Variants in SUMF1 observed in about 807,000 individuals in gnomAD.
The protein encoded by SUMF1 is formylglycine-generating enzyme.
SUMF1 carries 48 observed loss-of-function variants against 47.6 expected under a neutral mutation model. That is an observed-to-expected ratio of 1.01 (90% confidence interval 0.80 to 1.28). The LOEUF is 1.28. Ranked by LOEUF, SUMF1 falls within the 50% of genes most tolerant of loss-of-function variation. SUMF1 has a pLI of 0.00. For missense variants in SUMF1, 571 were observed against 485.4 expected, an observed-to-expected ratio of 1.18 and a Z score of -1.66; for synonymous variants, 230 against 192.1, an observed-to-expected ratio of 1.20 and a Z score of -1.63.
chr3:4,282,456 A>G (rs1209838937), intron 8 of SUMF1, among the ~76,000 whole-genome samples: 1 of 152,226 alleles, frequency 6.6e-6, no homozygotes, highest in Non-Finnish European at 1.5e-5. Flanking sequence ...CAATTCACAC[A>G]TACCTTCTAC....
chr3:4,153,065 G>A (rs1453911743), intron 8 of SUMF1, among the ~76,000 whole-genome samples: 1 of 151,534 alleles, frequency 6.6e-6, no homozygotes, highest in East Asian at 1.9e-4. Flanking sequence ...TCAGAACCCT[G>A]CAAAGTTACA....
intron 8 of SUMF1, among the ~76,000 whole-genome samples, chr3:4,345,393 G>A (rs1053842287): frequency 2.0e-5 from 3 of 152,134 alleles, no homozygotes; most frequent in Non-Finnish European, 2.9e-5. Flanking sequence ...CATTCTTAAA[G>A]AAAAGAATTT....
intron 8 of SUMF1, among the ~76,000 whole-genome samples, chr3:4,341,912 T>A (rs1046020125): frequency 3.2e-4 from 49 of 152,220 alleles, no homozygotes; most frequent in African/African-American, 1.1e-3. Context: ...TGCAGCTTAT[T>A]TGTTTATAAA....
At chr3:4,117,206 T>C (rs1693441454) in intron 8 of SUMF1, among the ~76,000 whole-genome samples, 1 of 152,144 alleles carries the variant, frequency 6.6e-6, no homozygotes, top group African/African-American at 2.4e-5. Flanking sequence ...GTTTATACTT[T>C]CTAGTTTTTC....
chr3:4,439,777 G>T, intron 3 of SUMF1, among the ~76,000 whole-genome samples: 1 of 150,260 alleles, frequency 6.7e-6, no homozygotes. Flanking sequence ...TCTCAAACTG[G>T]TCTCAAACTC....
chr3:4,154,240 G>C (rs538415729), intron 8 of SUMF1, among the ~76,000 whole-genome samples: 4 of 151,442 alleles, frequency 2.6e-5, no homozygotes, highest in Non-Finnish European at 5.9e-5. Context: ...GGTGGATTCT[G>C]GGTCTGAATT....
rs1488341199 is a variant in SUMF1, at chr3:4,254,267, G to A, written c.1014+122063C>T. ...AACGGAACAAAGCTGGATGGAGAAT[G>A]ACTTTGACGAGCTGAGAGAAGAAGG... On this transcript the variant is annotated intron_variant and NMD_transcript_variant, in intron 8 of 12. Transcript: ENST00000448413. Among the ~76,000 whole-genome samples, 3 of 151,998 alleles carry A rather than the reference G, an allele frequency of 2.0e-5. 1 individual carries two copies. Among genetic ancestry groups the A allele is most frequent in the African/African-American group, 7.2e-5 (3 of 41,396 alleles).
intron 8 of SUMF1, among the ~76,000 whole-genome samples, chr3:4,103,588 G>A (rs1693088068): frequency 6.6e-6 from 1 of 152,078 alleles, no homozygotes; most frequent in Non-Finnish European, 1.5e-5. Flanking sequence ...AGTGGTTTCT[G>A]CTTTGAATAG....
chr3:4,161,510 G>A (rs184330455), intron 8 of SUMF1, among the ~76,000 whole-genome samples: 24 of 152,158 alleles, frequency 1.6e-4, no homozygotes, highest in East Asian at 3.9e-4. Context: ...CACACAAATC[G>A]TAAGACAAAG....
intron 8 of SUMF1, among the ~76,000 whole-genome samples, chr3:4,230,511 C>T (rs1359184197): frequency 6.6e-6 from 1 of 152,094 alleles, no homozygotes; most frequent in Non-Finnish European, 1.5e-5. Flanking sequence ...ACGGAAAAGG[C>T]ACATGGGGCA....
chr3:4,199,444 G>C (rs984602143), intron 8 of SUMF1, among the ~76,000 whole-genome samples: 7 of 152,068 alleles, frequency 4.6e-5, no homozygotes, highest in East Asian at 1.9e-4. Flanking sequence ...TCAGATACAA[G>C]TCTTTGTGTG....
intron 8 of SUMF1, among the ~76,000 whole-genome samples, chr3:4,242,809 C>G (rs557937311): frequency 2.6e-5 from 4 of 152,114 alleles, no homozygotes; most frequent in African/African-American, 9.7e-5. Context: ...GGGAGGATTC[C>G]CTCCTTTTCT....
chr3:4,081,073 C>A (rs1251971823), intron 8 of SUMF1, among the ~76,000 whole-genome samples: 1 of 152,128 alleles, frequency 6.6e-6, no homozygotes, highest in Non-Finnish European at 1.5e-5. Flanking sequence ...GGTTTCAAGA[C>A]AAAGGTGAAT....
chr3:4,153,785 A>G (rs1694392727), intron 8 of SUMF1, among the ~76,000 whole-genome samples: 1 of 151,540 alleles, frequency 6.6e-6, no homozygotes, highest in Non-Finnish European at 1.5e-5. Flanking sequence ...ACATGATTGT[A>G]TAGAAATTAT....
chr3:4,079,354 T>G (rs139701430), intron 8 of SUMF1, among the ~76,000 whole-genome samples: 1 of 152,042 alleles, frequency 6.6e-6, no homozygotes, highest in African/African-American at 2.4e-5. Context: ...TTTGATCTGA[T>G]CGATTGGTAG....
At chr3:4,191,330 C>G (rs1254116908) in intron 8 of SUMF1, among the ~76,000 whole-genome samples, 1 of 152,016 alleles carries the variant, frequency 6.6e-6, no homozygotes, top group Non-Finnish European at 1.5e-5. Context: ...GGTGCAGCTT[C>G]GACAAAGAAA....
chr3:4,260,241 T>C, intron 8 of SUMF1, among the ~76,000 whole-genome samples: 1 of 152,032 alleles, frequency 6.6e-6, no homozygotes, highest in Non-Finnish European at 1.5e-5. Flanking sequence ...ATTGGCAATA[T>C]TTAAAAGCAG....
intron 8 of SUMF1, among the ~76,000 whole-genome samples, chr3:4,149,011 G>T (rs77634069): frequency 1.4e-5 from 1 of 73,774 alleles, no homozygotes; most frequent in African/African-American, 4.3e-5. Context: ...GCCCTGGTAC[G>T]AGAGAGACCT....
At chr3:4,238,354 T>A (rs1482495836) in intron 8 of SUMF1, among the ~76,000 whole-genome samples, 1 of 152,216 alleles carries the variant, frequency 6.6e-6, no homozygotes, top group Non-Finnish European at 1.5e-5. Context: ...ATTGCCATAC[T>A]GTTTTCCACA....
Sources: allele counts gnomAD v4.1 joint callset (sites outside exome capture counted in the v4.1 genomes callset), GRCh38; gene constraint gnomAD v4.1.1; transcripts MANE v1.5; gene names NCBI Gene and HGNC (gene_info 2026-07-23, HGNC 2026-07-21).